The following SLC24A3 variants were observed in gnomAD, a reference collection of about 807,000 sequenced individuals.
The protein encoded by SLC24A3 is solute carrier family 24 member 3.
SLC24A3 carries 28 observed loss-of-function variants against 75.8 expected under a neutral mutation model. That is an observed-to-expected ratio of 0.37 (90% confidence interval 0.27 to 0.51). The LOEUF is 0.51. SLC24A3 is among the 20% of genes least tolerant of loss of function. The pLI, the probability that SLC24A3 is intolerant of heterozygous loss-of-function variation, is 0.94. For missense variants in SLC24A3, 663 were observed against 847.8 expected, an observed-to-expected ratio of 0.78 and a Z score of 2.71; for synonymous variants, 372 against 334.1, an observed-to-expected ratio of 1.11 and a Z score of -1.24.
intron 10 of SLC24A3, among the ~76,000 whole-genome samples, chr20:19,683,252 C>T (rs534275994): frequency 2.0e-5 from 3 of 152,162 alleles, no homozygotes; most frequent in African/African-American, 4.8e-5. Flanking sequence ...AGTTTATAAC[C>T]GTAAAAGGAA....
chr20:19,447,069 C>A (rs2122476244), intron 2 of SLC24A3, among the ~76,000 whole-genome samples: 1 of 152,238 alleles, frequency 6.6e-6, no homozygotes, highest in South Asian at 2.1e-4. Flanking sequence ...AGAAATGGAA[C>A]CTGGACAAAC....
intron 2 of SLC24A3, among the ~76,000 whole-genome samples, chr20:19,369,096 A>G (rs983127247): frequency 6.6e-6 from 1 of 152,220 alleles, no homozygotes; most frequent in Non-Finnish European, 1.5e-5. Flanking sequence ...TAGTGGATAA[A>G]TGCTTGATAA....
At chr20:19,262,427 GAA>G (rs1271471944) in intron 1 of SLC24A3, among the ~76,000 whole-genome samples, 2 of 120,300 alleles carry the variant, frequency 1.7e-5, no homozygotes, top group South Asian at 2.9e-4. Flanking sequence ...AAAAAAAAAA[GAA>G]AGAGAGAGAA....
chr20:19,621,561 T>G (rs1294659509), intron 6 of SLC24A3, among the ~76,000 whole-genome samples: 1 of 152,228 alleles, frequency 6.6e-6, no homozygotes, highest in Non-Finnish European at 1.5e-5. Flanking sequence ...TTCATGTCCC[T>G]TAGGTATGTC....
At chr20:19,292,154 G>A (rs1488484985) in intron 2 of SLC24A3, among the ~76,000 whole-genome samples, 1 of 152,144 alleles carries the variant, frequency 6.6e-6, no homozygotes, top group African/African-American at 2.4e-5. Flanking sequence ...GAGAAGTGGG[G>A]ATCATTCATG....
chr20:19,700,353 C>T (rs1438652684), intron 15 of SLC24A3, among the ~76,000 whole-genome samples: 1 of 152,150 alleles, frequency 6.6e-6, no homozygotes, highest in Non-Finnish European at 1.5e-5. Context: ...CCCATAGCTA[C>T]ACAGAAAGCA....
chr20:19,578,185 T>C (rs983560919), intron 3 of SLC24A3, among the ~76,000 whole-genome samples: 10 of 152,178 alleles, frequency 6.6e-5, no homozygotes, highest in Non-Finnish European at 1.0e-4. Flanking sequence ...AAAGGCCTAT[T>C]ATTGGCTCAT....
At chr20:19,549,898 GT>G (rs2030663237) in intron 3 of SLC24A3, among the ~76,000 whole-genome samples, 1 of 152,128 alleles carries the variant, frequency 6.6e-6, no homozygotes, top group Non-Finnish European at 1.5e-5. Context: ...TATGATGCAG[GT>G]CATCAAAATC....
intron 9 of SLC24A3, among the ~76,000 whole-genome samples, chr20:19,678,423 C>G (rs1401029878): frequency 7.4e-6 from 1 of 135,562 alleles, no homozygotes; most frequent in Non-Finnish European, 1.6e-5. Context: ...CAGGCAGAGG[C>G]GCCCCTCACC....
intron 3 of SLC24A3, among the ~76,000 whole-genome samples, chr20:19,520,547 G>A (rs573684831): frequency 6.6e-5 from 10 of 152,262 alleles, no homozygotes; most frequent in South Asian, 6.2e-4. Flanking sequence ...GGCTCTCTAC[G>A]GCGCAGGTCA....
chr20:19,541,491 G>A (rs1308316003), intron 3 of SLC24A3, among the ~76,000 whole-genome samples: 5 of 152,202 alleles, frequency 3.3e-5, no homozygotes, highest in Non-Finnish European at 7.3e-5. Flanking sequence ...CTGTCCCTCA[G>A]TTAGAACAGG....
At chr20:19,237,510 T>C (rs1045744129) in intron 1 of SLC24A3, among the ~76,000 whole-genome samples, 1 of 152,196 alleles carries the variant, frequency 6.6e-6, no homozygotes, top group African/African-American at 2.4e-5. Context: ...CTAGCTCAGC[T>C]TGCAGAACAT....
chr20:19,241,839 T>C (rs1982337156), intron 1 of SLC24A3, among the ~76,000 whole-genome samples: 1 of 152,186 alleles, frequency 6.6e-6, no homozygotes, highest in African/African-American at 2.4e-5. Context: ...CCCCTGACAA[T>C]GGGGGTCATT....
intron 2 of SLC24A3, among the ~76,000 whole-genome samples, chr20:19,389,330 A>G (rs77231658): frequency 0.012 from 1,879 of 152,232 alleles, 38 homozygotes; most frequent in African/African-American, 0.04. Flanking sequence ...TTATACTTTT[A>G]CATGCTTTCA....
At chr20:19,657,064 C>G (rs775116591) in intron 7 of SLC24A3, among the ~76,000 whole-genome samples, 1 of 152,200 alleles carries the variant, frequency 6.6e-6, no homozygotes, top group Non-Finnish European at 1.5e-5. Context: ...CGCAGGCTGC[C>G]AGGGCAACTC....
chr20:19,542,187 T>C (rs2030510874), intron 3 of SLC24A3, among the ~76,000 whole-genome samples: 1 of 152,124 alleles, frequency 6.6e-6, no homozygotes, highest in South Asian at 2.1e-4. Context: ...AAGGTGAAAA[T>C]TGCAGTTCAA....
intron 2 of SLC24A3, among the ~76,000 whole-genome samples, chr20:19,476,598 G>T (rs562292298): frequency 1.2e-4 from 19 of 152,178 alleles, no homozygotes; most frequent in Non-Finnish European, 1.6e-4. Context: ...AAAAATCTTG[G>T]CAAAGTACAT....
At chr20:19,320,567 C>A (rs1355913512) in intron 2 of SLC24A3, among the ~76,000 whole-genome samples, 1 of 151,962 alleles carries the variant, frequency 6.6e-6, no homozygotes, top group Non-Finnish European at 1.5e-5. Flanking sequence ...CTCTGTTATG[C>A]ATTATGGACA....
At chr20:19,510,138 G>A (rs1476473339) in intron 2 of SLC24A3, among the ~76,000 whole-genome samples, 1 of 152,216 alleles carries the variant, frequency 6.6e-6, no homozygotes, top group African/African-American at 2.4e-5. Flanking sequence ...GGGTCTCTAA[G>A]ATAGGATTCT....
Sources: gnomAD v4.1 joint callset for allele counts (sites outside exome capture counted in the v4.1 genomes callset) on GRCh38, gnomAD v4.1.1 for gene constraint, MANE v1.5 for transcripts, NCBI Gene and HGNC (gene_info 2026-07-23, HGNC 2026-07-21) for gene names.